KDM4C: variants seen among roughly 807,000 people sequenced by gnomAD.
The protein encoded by KDM4C is lysine-specific demethylase 4C.
A neutral mutation model predicts 129.3 loss-of-function variants in KDM4C; 81 were observed. That is an observed-to-expected ratio of 0.63 (90% CI 0.52 to 0.75). The LOEUF is 0.75. Among genes scored for constraint, KDM4C ranks in the 30% least tolerant of loss-of-function variants. The probability of loss-of-function intolerance (pLI) is 0.00; values close to 1 mark genes in which losing one functional copy is unlikely to be tolerated. For synonymous variants in KDM4C, 573 were observed against 456.1 expected (o/e 1.26, Z -3.26); for missense variants, 1,457 against 1,304.0 (o/e 1.12, Z -1.81).
intron 17 of KDM4C, among the ~76,000 whole-genome samples, chr9:7,061,339 G>T (rs1564063778): frequency 6.6e-6 from 1 of 152,184 alleles, no homozygotes. Flanking sequence ...TGAGAAACCT[G>T]TCCCGGAATC....
intron 4 of KDM4C, among the ~76,000 whole-genome samples, chr9:6,816,365 C>T (rs996298325): frequency 2.6e-5 from 4 of 152,146 alleles, no homozygotes; most frequent in African/African-American, 9.7e-5. Flanking sequence ...TTACCAGCAC[C>T]GTAGAATTCC....
intron 12 of KDM4C, among the ~76,000 whole-genome samples, chr9:7,004,011 G>A (rs1258695228): frequency 6.6e-6 from 1 of 152,090 alleles, no homozygotes; most frequent in African/African-American, 2.4e-5. Context: ...ATGCTGCTGT[G>A]CTTTTCATAG....
intron 5 of KDM4C, among the ~76,000 whole-genome samples, chr9:6,856,539 CGTGTGTGTGTGTGT>C (rs201267627): frequency 0.047 from 6,123 of 131,572 alleles, 159 homozygotes; most frequent in South Asian, 0.15. Flanking sequence ...TCTCTGTGTG[CGTGTGTGTGTGTGT>C]GTGTGTGTGT....
chr9:6,841,615 A>T (rs915842960), intron 4 of KDM4C, among the ~76,000 whole-genome samples: 14 of 152,222 alleles, frequency 9.2e-5, no homozygotes, highest in African/African-American at 3.4e-4. Context: ...AGTGAAGAAC[A>T]TCTTCACGTT....
intron 5 of KDM4C, among the ~76,000 whole-genome samples, chr9:6,861,972 G>A (rs540833756): frequency 3.3e-5 from 5 of 151,864 alleles, no homozygotes; most frequent in South Asian, 2.1e-4. Context: ...GGGTTTTGCC[G>A]CGTTGGCCAG....
chr9:6,841,551 C>G (rs1007800050), intron 4 of KDM4C, among the ~76,000 whole-genome samples: 1 of 152,136 alleles, frequency 6.6e-6, no homozygotes, highest in Non-Finnish European at 1.5e-5. Context: ...TTTTCTGTAG[C>G]CAACTCTGCT....
chr9:6,771,806 G>A (rs932776500), intron 1 of KDM4C, among the ~76,000 whole-genome samples: 2 of 152,014 alleles, frequency 1.3e-5, no homozygotes, highest in East Asian at 3.9e-4. Context: ...TTGGTGAGGG[G>A]CTCGCTGCCC....
intron 15 of KDM4C, among the ~76,000 whole-genome samples, chr9:7,020,858 T>G (rs1008515220): frequency 3.3e-5 from 5 of 152,148 alleles, no homozygotes; most frequent in African/African-American, 9.7e-5. Flanking sequence ...TACAATTAAA[T>G]TATTTTTGAC....
At chr9:7,034,553 C>T (rs982063994) in intron 15 of KDM4C, among the ~76,000 whole-genome samples, 1 of 152,046 alleles carries the variant, frequency 6.6e-6, no homozygotes, top group South Asian at 2.1e-4. Context: ...GTATACATGC[C>T]ACATTTTCTT....
intron 8 of KDM4C, among the ~76,000 whole-genome samples, chr9:6,894,739 C>A (rs1846585620): frequency 1.3e-5 from 2 of 152,154 alleles, no homozygotes; most frequent in Non-Finnish European, 2.9e-5. Flanking sequence ...GGAAGAGAGG[C>A]TGGTAGTGCT....
In KDM4C at chr9:7,138,645, T is replaced by G. The variant is rs7854888; in HGVS notation, c.2781+10409T>G. Among the ~76,000 whole-genome samples, 1,225 of 151,988 alleles carry G rather than the reference T, an allele frequency of 8.1e-3. 18 individuals carry two copies. The highest frequency in any genetic ancestry group is 0.028 in the African/African-American group (1,159 of 41,440). On this transcript the variant is annotated intron_variant, in intron 19 of 21. Coordinates refer to ENST00000381309, the MANE Select transcript of KDM4C (RefSeq NM_015061.6). Reference sequence around the variant, plus strand: ...GCCTGGGCAACATAGAAAGACCTCTTCTTTACAAAAAAATTTAAAAAAATT... The same window carrying G: ...GCCTGGGCAACATAGAAAGACCTCTGCTTTACAAAAAAATTTAAAAAAATT...
chr9:7,164,950 A>C (rs1029861026), intron 19 of KDM4C, among the ~76,000 whole-genome samples: 1 of 152,228 alleles, frequency 6.6e-6, no homozygotes, highest in Non-Finnish European at 1.5e-5. Flanking sequence ...GTTTCTATGC[A>C]TATTTTAGTT....
chr9:7,136,594 T>C (rs1156834559), intron 19 of KDM4C, among the ~76,000 whole-genome samples: 1 of 152,272 alleles, frequency 6.6e-6, no homozygotes, highest in Non-Finnish European at 1.5e-5. Flanking sequence ...TTGAGCATCT[T>C]TTCAAGTGCT....
intron 17 of KDM4C, among the ~76,000 whole-genome samples, chr9:7,086,457 G>C (rs998473326): frequency 6.6e-6 from 1 of 152,170 alleles, no homozygotes; most frequent in Non-Finnish European, 1.5e-5. Context: ...TTTTTAGAAA[G>C]GTGAGGCTTG....
chr9:6,795,539 C>A (rs550632378), intron 2 of KDM4C, among the ~76,000 whole-genome samples: 17 of 152,164 alleles, frequency 1.1e-4, no homozygotes, highest in Non-Finnish European at 1.2e-4. Context: ...ACCATGTTGG[C>A]TAGGCTGGTC....
intron 8 of KDM4C, among the ~76,000 whole-genome samples, chr9:6,904,033 A>G (rs1228370211): frequency 6.6e-6 from 1 of 152,180 alleles, no homozygotes; most frequent in Non-Finnish European, 1.5e-5. Context: ...TGAGATCAGG[A>G]GTTCAGGACC....
intron 1 of KDM4C, among the ~76,000 whole-genome samples, chr9:6,788,422 T>G (rs1825898689): frequency 6.6e-6 from 1 of 152,204 alleles, no homozygotes; most frequent in Non-Finnish European, 1.5e-5. Context: ...TACCAAATGT[T>G]TCTACAAAGG....
intron 8 of KDM4C, among the ~76,000 whole-genome samples, chr9:6,966,660 C>T (rs913466278): frequency 2.6e-5 from 4 of 152,008 alleles, no homozygotes; most frequent in African/African-American, 7.3e-5. Flanking sequence ...AGAGTTAATC[C>T]ACATCAGATC....
chr9:6,787,276 A>G (rs1391744220), intron 1 of KDM4C, among the ~76,000 whole-genome samples: 10 of 152,230 alleles, frequency 6.6e-5, no homozygotes, highest in Admixed American at 5.9e-4. Flanking sequence ...TCTGTTGCCC[A>G]GGCTAGAGTG....
Sources: allele counts gnomAD v4.1 joint callset (sites outside exome capture counted in the v4.1 genomes callset), GRCh38; gene constraint gnomAD v4.1.1; transcripts MANE v1.5; gene names NCBI Gene and HGNC (gene_info 2026-07-23, HGNC 2026-07-21).